ARL3: variants seen among roughly 807,000 people sequenced by gnomAD.
ARL3 encodes ARF like GTPase 3.
In ARL3, 9 loss-of-function variants were observed where a neutral mutation model predicts 26.0. The observed-to-expected ratio is 0.35, with a 90% CI of 0.21 to 0.60. The LOEUF is 0.60. ARL3 is among the 20% of genes least tolerant of loss of function. The pLI is 0.78. For missense variants in ARL3, 158 were observed against 215.7 expected, an observed-to-expected ratio of 0.73 and a Z score of 1.67; for synonymous variants, 71 against 78.4, an observed-to-expected ratio of 0.91 and a Z score of 0.50.
At chr10:102,680,841 G>A (rs995283730) in intron 5 of ARL3, among the ~76,000 whole-genome samples, 1 of 152,144 alleles carries the variant, frequency 6.6e-6, no homozygotes, top group African/African-American at 2.4e-5. Context: ...CAGGCCCCCA[G>A]GGTCAAGAAG....
rs562819886 is a variant in ARL3, at chr10:102,697,825, T to G, written c.264+1548A>C. On this transcript the variant is annotated intron_variant, in intron 3 of 5. Transcript: ENST00000260746. The stretch of plus-strand genomic sequence containing the variant: ...TTGGAAGCCAAGAAAAGACAATGTT[T>G]CAAAGAGAGCATGACCAATGTTAAA... 2.0e-5 allele frequency among the ~76,000 whole-genome samples: 3 copies of G among 152,204 alleles called. No homozygotes were observed. The South Asian group carries it at 6.2e-4, about 32-fold the overall frequency.
intron 2 of ARL3, among the ~76,000 whole-genome samples, chr10:102,704,663 TAAAATA>T (rs933504833): frequency 2.0e-5 from 3 of 151,840 alleles, no homozygotes; most frequent in Admixed American, 6.6e-5. Flanking sequence ...TTTAAAGAAA[TAAAATA>T]AAAATAAAAA....
At chr10:102,691,557 T>C (rs923851503) in intron 3 of ARL3, among the ~76,000 whole-genome samples, 1 of 152,204 alleles carries the variant, frequency 6.6e-6, no homozygotes, top group Non-Finnish European at 1.5e-5. Flanking sequence ...AATTTTCACA[T>C]GTTGTGAAAC....
chr10:102,682,369 A>C (rs1182890088), intron 5 of ARL3, among the ~76,000 whole-genome samples: 1 of 152,164 alleles, frequency 6.6e-6, no homozygotes, highest in African/African-American at 2.4e-5. Flanking sequence ...CCCAGTCAGC[A>C]CCAATGAGGA....
At chr10:102,704,038 C>A (rs2136007767) in intron 2 of ARL3, among the ~76,000 whole-genome samples, 1 of 150,154 alleles carries the variant, frequency 6.7e-6, no homozygotes, top group African/African-American at 2.4e-5. Flanking sequence ...GTAGTCCCAG[C>A]TACTTGGGAG....
intron 3 of ARL3, among the ~76,000 whole-genome samples, chr10:102,693,839 A>AT (rs879870159): frequency 1.3e-3 from 199 of 151,144 alleles, no homozygotes; most frequent in African/African-American, 4.4e-3. Context: ...TGACTGGCTA[A>AT]TTTTTTTTTA....
In ARL3 at chr10:102,714,300, C is replaced by T. The variant is rs544531697; in HGVS notation, c.-25G>A. On this transcript the variant is annotated 5_prime_UTR_variant, in exon 1 of 6. Coordinates refer to ENST00000260746, the MANE Select transcript of ARL3 (RefSeq NM_004311.4). ...TCCTCCCGCCGAGTCCCTCCTCCTC[C>T]TCCTCCTCCTGCTGCCTCCCCCGTT... The T allele has an allele frequency of 1.2e-5, 16 of 1,311,908 alleles. No individual in the cohort carries two copies. Among genetic ancestry groups the T allele is most frequent in the African/African-American group, 1.5e-5 (1 of 66,518 alleles). 81.3% of individuals were successfully genotyped at this position (1,311,908 alleles called of 1,614,324 possible). A position where few individuals can be genotyped will look rare whatever the true frequency, so the allele number is the denominator to read the frequency against.
intron 3 of ARL3, among the ~76,000 whole-genome samples, chr10:102,694,099 T>C (rs188806528): frequency 5.0e-4 from 76 of 152,266 alleles, no homozygotes; most frequent in African/African-American, 1.5e-3. Context: ...GCCATTCTCC[T>C]GCCTCAGCCT....
intron 2 of ARL3, among the ~76,000 whole-genome samples, chr10:102,702,818 G>T (rs893393417): frequency 5.3e-5 from 8 of 152,104 alleles, no homozygotes; most frequent in African/African-American, 1.9e-4. Flanking sequence ...TGTTCATTTG[G>T]TAGCAGTTGA....
At chr10:102,700,079 T>C (rs146232784) in intron 2 of ARL3, among the ~76,000 whole-genome samples, 33 of 152,260 alleles carry the variant, frequency 2.2e-4, no homozygotes, top group Admixed American at 3.9e-4. Flanking sequence ...GAGCCCTCAG[T>C]TGCAGACACT....
rs960302124 is a variant in ARL3 at position 102,687,067 on chromosome 10, G to A, written c.316-1066C>T. Reference sequence around the variant, plus strand: ...TTTTTTTTGTATTTTTAGTAGAGACGGGGTTTCACCATCTTGGCCAGGCTA... The same window carrying A: ...TTTTTTTTGTATTTTTAGTAGAGACAGGGTTTCACCATCTTGGCCAGGCTA... On this transcript the variant is annotated intron_variant, in intron 4 of 5. Coordinates refer to ENST00000260746, the MANE Select transcript of ARL3 (RefSeq NM_004311.4). Among the ~76,000 whole-genome samples the A allele has an allele frequency of 4.6e-5, 7 of 150,552 alleles. No homozygotes were observed. In the South Asian group the frequency reaches 1.1e-3, roughly 23 times the overall value.
At chr10:102,699,714 A>G (rs771535958) in intron 2 of ARL3, among the ~76,000 whole-genome samples, 3 of 152,224 alleles carry the variant, frequency 2.0e-5, no homozygotes, top group Non-Finnish European at 4.4e-5. Flanking sequence ...AGGCTAACAC[A>G]ATGTTTTTCT....
chr10:102,687,569 T>A (rs553023743), intron 4 of ARL3, among the ~76,000 whole-genome samples: 1 of 152,042 alleles, frequency 6.6e-6, no homozygotes, highest in East Asian at 1.9e-4. Flanking sequence ...GCACATGTAG[T>A]CCCAACTACT....
chr10:102,699,734 A>G (rs535495954), intron 2 of ARL3, among the ~76,000 whole-genome samples: 1 of 152,344 alleles, frequency 6.6e-6, no homozygotes, highest in African/African-American at 2.4e-5. Context: ...TACAATGAAC[A>G]TATATACATA....
intron 3 of ARL3, among the ~76,000 whole-genome samples, chr10:102,691,266 T>TC (rs1343925945): frequency 1.3e-5 from 1 of 79,406 alleles, no homozygotes; most frequent in African/African-American, 5.1e-5. Context: ...ATGCTATCCC[T>TC]CCCCCCTCCC....
intron 5 of ARL3, 115 bp downstream of exon 5, chr10:102,685,701 G>T: frequency 1.7e-6 from 2 of 1,148,782 alleles, no homozygotes; most frequent in Non-Finnish European, 2.4e-6. Context: ...ATTCCTCCAT[G>T]CCCTTCATAT....
intron 4 of ARL3, among the ~76,000 whole-genome samples, chr10:102,687,078 A>G (rs982382576): frequency 6.7e-6 from 1 of 150,312 alleles, no homozygotes; most frequent in Non-Finnish European, 1.5e-5. Flanking sequence ...GGGTTTCACC[A>G]TCTTGGCCAG....
chr10:102,684,297 C>T (rs1244021665), intron 5 of ARL3, among the ~76,000 whole-genome samples: 3 of 151,988 alleles, frequency 2.0e-5, no homozygotes, highest in Non-Finnish European at 4.4e-5. Flanking sequence ...TACAGGTGCC[C>T]GCCACCACAC....
At chr10:102,694,668 T>C (rs1456283017) in intron 3 of ARL3, among the ~76,000 whole-genome samples, 1 of 152,032 alleles carries the variant, frequency 6.6e-6, no homozygotes, top group Non-Finnish European at 1.5e-5. Flanking sequence ...ATTTTGGGGC[T>C]CTCTATTCTG....
Sources: allele counts gnomAD v4.1 joint callset (sites outside exome capture counted in the v4.1 genomes callset), GRCh38; gene constraint gnomAD v4.1.1; transcripts MANE v1.5; gene names NCBI Gene and HGNC (gene_info 2026-07-23, HGNC 2026-07-21).